PLPPR3: variants seen among roughly 807,000 people sequenced by gnomAD.
The protein encoded by PLPPR3 is phospholipid phosphatase-related protein type 3.
A neutral mutation model predicts 27.3 loss-of-function variants in PLPPR3; 14 were observed. That is an observed-to-expected ratio of 0.51 (90% CI 0.34 to 0.80). The LOEUF (loss-of-function observed/expected upper bound fraction) is 0.80, where lower values mean the gene tolerates loss of function less well. Among genes scored for constraint, PLPPR3 ranks in the 30% least tolerant of loss-of-function variants. The pLI is 0.01. For missense variants in PLPPR3, 1,287 were observed against 1,056.9 expected, an observed-to-expected ratio of 1.22 and a Z score of -3.02; for synonymous variants, 671 against 508.0, an observed-to-expected ratio of 1.32 and a Z score of -4.32.
chr19:816,176 C>A (rs1441212230), intron 2 of PLPPR3, among the ~76,000 whole-genome samples: 2 of 151,528 alleles, frequency 1.3e-5, no homozygotes, highest in Non-Finnish European at 2.9e-5. Flanking sequence ...CCCACCCACC[C>A]ATCATCTATC....
upstream of PLPPR3, among the ~76,000 whole-genome samples, chr19:823,449 A>AC (rs2035177742): frequency 4.9e-5 from 7 of 141,834 alleles, no homozygotes; most frequent in South Asian, 1.3e-3. Flanking sequence ...CTCAAAAAAA[A>AC]AAAAAAAAAC....
At chr19:815,962 C>A in intron 2 of PLPPR3, 111 bp from the exon 3 acceptor site, 1 of 1,052,022 alleles carries the variant, frequency 9.5e-7, no homozygotes, top group Non-Finnish European at 1.4e-6. Context: ...TCCACAGATC[C>A]AACCCGCTCC....
chr19:823,760 GA>G (rs147898796), upstream of PLPPR3, among the ~76,000 whole-genome samples: 1,880 of 152,282 alleles, frequency 0.012, 39 homozygotes, highest in African/African-American at 0.043. Context: ...CATTCGATGC[GA>G]TCCTGTTCCT....
chr19:821,461 G>A lies in PLPPR3; in HGVS notation c.75+24C>T, dbSNP rs1004960893. The stretch of plus-strand genomic sequence containing the variant: ...GGGCGGAACCGAGGCGTCTCCCCCG[G>A]GCCCCAGCGCGACCCCCACCCACCT... On this transcript the variant is annotated intron_variant, in intron 2 of 7. Coordinates refer to ENST00000520876, the MANE Select transcript of PLPPR3 (RefSeq NM_001270366.2). The A allele has an allele frequency of 2.7e-6, 4 of 1,500,096 alleles. No individual in the cohort carries two copies. In the African/African-American group the frequency reaches 4.4e-5, roughly 17 times the overall value. The allele number at this position is 1,500,096 out of a possible 1,614,324, so 92.9% of individuals were successfully genotyped here. A position where few individuals can be genotyped will look rare whatever the true frequency, so the allele number is the denominator to read the frequency against.
upstream of PLPPR3, among the ~76,000 whole-genome samples, chr19:822,849 G>A (rs2035169062): frequency 6.6e-6 from 1 of 152,204 alleles, no homozygotes; most frequent in Non-Finnish European, 1.5e-5. Flanking sequence ...GGCCGTGCGC[G>A]GTGGCTCAGG....
chr19:815,600 G>A, intron 3 of PLPPR3, 66 bp downstream of exon 3: 1 of 1,457,944 alleles, frequency 6.9e-7, no homozygotes, highest in Non-Finnish European at 9.2e-7. Flanking sequence ...GTTCACCGAG[G>A]TGGCGGGGGT....
At position 815,346 on chromosome 19, in the gene PLPPR3, C is replaced by CTG; in HGVS notation, c.262-20_262-19insCA. On this transcript the variant is annotated intron_variant, in intron 3 of 7. Transcript: ENST00000520876. ...CCATGATCTGCCAACAGGGAGGGGGCGCTCAGGCCTCGGTGCCCACAGGGA... is the reference window on the plus strand; with the variant it reads ...CCATGATCTGCCAACAGGGAGGGGGCTGGCTCAGGCCTCGGTGCCCACAGGGA... 6.5e-7 allele frequency: 1 copy of CTG among 1,527,354 alleles called. No homozygotes were observed. Among genetic ancestry groups the CTG allele is most frequent in the Non-Finnish European group, 8.8e-7 (1 of 1,137,740 alleles). 94.6% of individuals were successfully genotyped at this position (1,527,354 alleles called of 1,614,324 possible).
Position 814,958 on chromosome 19 carries a change from G to T in PLPPR3, c.527C>A (p.Ser176Tyr). Residue 176 changes from serine to tyrosine, a missense_variant, in exon 5 of 8, where the codon TCC becomes TAC. Transcript: ENST00000520876. The part of the protein sequence containing the change: ...CKPNYTLLGT[S>Y]CEVNPYITQD... ...CGTGATGTAGGGGTTGACCTCGCAG[G>T]ACGTGCCCAGGAGAGTGTAGTTGGG... The T allele has an allele frequency of 1.2e-6, 2 of 1,612,618 alleles. No individual in the cohort carries two copies. Among genetic ancestry groups the T allele is most frequent in the Non-Finnish European group, 8.5e-7 (1 of 1,179,968 alleles).
At chr19:822,509 C>T (rs532678403), upstream of PLPPR3, among the ~76,000 whole-genome samples, 128 of 152,220 alleles carry the variant, frequency 8.4e-4, no homozygotes, top group African/African-American at 3.0e-3. Context: ...CTCCCGGTGC[C>T]TCCCTCCCTT....
chr19:815,193 C>T lies in PLPPR3; in HGVS notation c.396G>A (p.Arg132=), dbSNP rs1461303561. The T allele has an allele frequency of 6.2e-7, 1 of 1,603,998 alleles. No individual in the cohort carries two copies. The highest frequency in any genetic ancestry group is 8.5e-7 in the Non-Finnish European group (1 of 1,178,622). Residue 132 remains arginine, a synonymous_variant, in exon 4 of 8, where the codon CGG becomes CGA. Coordinates refer to ENST00000520876, the MANE Select transcript of PLPPR3 (RefSeq NM_001270366.2). ...GCGCGTCCCGCAACTCACCCACAAA[C>T]CGCACCGTACGCCGCAGGAAGGAGT... ...NFNSFLRRTV[R]FVGVHVFGLC... is the part of the protein sequence containing the mutation.
chr19:815,278 C>A lies in PLPPR3; in HGVS notation c.311G>T (p.Gly104Val). The A allele has an allele frequency of 6.4e-7, 1 of 1,555,466 alleles. No individual in the cohort carries two copies. ...MLYCLQSRLW[G>V]RAGGPAGAEG... ...CGCCCCGGCGGGCCCCCCGGCACGG[C>A]CCCACAGCCGGGACTGCAGACAGTA... The change falls in exon 4 of 8, where the codon GGC becomes GTC. Residue 104 changes from glycine to valine, a missense_variant. Physicochemically the swap from Gly to Val is moderately radical, Grantham distance 109. Transcript: ENST00000520876.
At chr19:816,113 C>T (rs1177132245) in intron 2 of PLPPR3, among the ~76,000 whole-genome samples, 2 of 152,008 alleles carry the variant, frequency 1.3e-5, no homozygotes, top group African/African-American at 4.8e-5. Flanking sequence ...CACTCACCGA[C>T]CCATCACCCA....
chr19:813,486 T>A lies in PLPPR3; in HGVS notation c.1241A>T (p.Lys414Met), dbSNP rs748087530. The change falls in exon 8 of 8, where the codon AAG (lysine) becomes ATG (methionine). Residue 414 changes from lysine to methionine, a missense_variant. Transcript: ENST00000520876. This position sits in a 1 kb window ranked among gnomAD's most constrained non-coding sequence, Gnocchi z 4.1. ...CCCCAGGCCGCGGCCCTCCAGGCTC[T>A]TCTGCTTCCACTCGCTGATGAGCTG... is the stretch of plus-strand genomic sequence containing the variant. Reference protein sequence around the residue: ...SKQLISEWKQKSLEGRGLGLP... With the variant: ...SKQLISEWKQMSLEGRGLGLP... 100 of 1,548,452 alleles carry A rather than the reference T, an allele frequency of 6.5e-5. No individual in the cohort carries two copies. The Admixed American group carries it at 1.9e-3, about 29-fold the overall frequency.
Position 821,668 on chromosome 19 carries a change from G to A in PLPPR3, c.-26-83C>T, listed in dbSNP as rs2035148646. ...CGGTGGCCGGCGCCGGCGGGGGAGG[G>A]GCGGTCGGGGAAACTGAGGCTGCAG... On this transcript the variant is annotated intron_variant, in intron 1 of 7. Coordinates refer to ENST00000520876, the MANE Select transcript of PLPPR3 (RefSeq NM_001270366.2). 7.1e-6 allele frequency: 5 copies of A among 703,278 alleles called. No homozygotes were observed. The South Asian group carries it at 1.0e-4, about 14-fold the overall frequency. 43.6% of individuals were successfully genotyped at this position (703,278 alleles called of 1,614,324 possible). A position where few individuals can be genotyped will look rare whatever the true frequency, so the allele number is the denominator to read the frequency against.
In PLPPR3 at chr19:814,968, G is replaced by A. The variant is rs1173220308; in HGVS notation, c.517C>T (p.Leu173=). ...GGGTTGACCTCGCAGGACGTGCCCA[G>A]GAGAGTGTAGTTGGGCTTGCAGACG... ...LTVCKPNYTL[L]GTSCEVNPYI... The change falls in exon 5 of 8, where the codon CTG becomes TTG. Residue 173 remains leucine, a synonymous_variant. Coordinates refer to ENST00000520876, the MANE Select transcript of PLPPR3 (RefSeq NM_001270366.2). 3 of 1,612,560 alleles carry A rather than the reference G, an allele frequency of 1.9e-6. No homozygotes were observed. Among genetic ancestry groups the A allele is most frequent in the Non-Finnish European group, 2.5e-6 (3 of 1,179,962 alleles).
chr19:822,710 C>T (rs1568288887), upstream of PLPPR3, among the ~76,000 whole-genome samples: 1 of 152,214 alleles, frequency 6.6e-6, no homozygotes, highest in Non-Finnish European at 1.5e-5. Context: ...CCTCCATATG[C>T]GCAGCCCTGC....
At chr19:819,641 G>T (rs1453555675) in intron 2 of PLPPR3, among the ~76,000 whole-genome samples, 1 of 152,126 alleles carries the variant, frequency 6.6e-6, no homozygotes, top group Admixed American at 6.6e-5. Context: ...TTTCTATGAA[G>T]TGATGTGGGC....
At chr19:816,847 A>G (rs1164641841) in intron 2 of PLPPR3, among the ~76,000 whole-genome samples, 22 of 149,790 alleles carry the variant, frequency 1.5e-4, no homozygotes, top group African/African-American at 5.2e-4. Context: ...TCATTCATCT[A>G]TCCATTCATC....
chr19:816,151 C>CCATT (rs565697650), intron 2 of PLPPR3, among the ~76,000 whole-genome samples: 1 of 151,864 alleles, frequency 6.6e-6, no homozygotes, highest in South Asian at 2.1e-4. Context: ...AACCATCCAT[C>CCATT]CATTCATCCA....
Sources: allele counts gnomAD v4.1 joint callset (sites outside exome capture counted in the v4.1 genomes callset), GRCh38; gene constraint gnomAD v4.1.1; non-coding constraint Gnocchi (gnomAD v3.1); transcripts MANE v1.5; gene names NCBI Gene and HGNC (gene_info 2026-07-23, HGNC 2026-07-21).